SEMA6D: variants seen among roughly 807,000 people sequenced by gnomAD.
The protein encoded by SEMA6D is semaphorin 6D, also known as semaphorin-6D.
In SEMA6D, 35 loss-of-function variants were observed where a neutral mutation model predicts 106.6. That is an observed-to-expected ratio of 0.33 (90% CI 0.25 to 0.44). The LOEUF (loss-of-function observed/expected upper bound fraction) is 0.44. SEMA6D is among the 20% of genes least tolerant of loss of function. The probability of loss-of-function intolerance (pLI) is 1.00; values close to 1 mark genes in which losing one functional copy is unlikely to be tolerated. For synonymous variants in SEMA6D, 499 were observed against 487.7 expected, an observed-to-expected ratio of 1.02 and a Z score of -0.31; for missense variants, 1,185 against 1,345.9, an observed-to-expected ratio of 0.88 and a Z score of 1.87.
chr15:47,738,770 C>G (rs1023090551), intron 1 of SEMA6D, among the ~76,000 whole-genome samples: 4 of 152,124 alleles, frequency 2.6e-5, no homozygotes, highest in Admixed American at 1.3e-4. Flanking sequence ...TTTGTTTGGC[C>G]CCTGAATCTA....
intron 1 of SEMA6D, among the ~76,000 whole-genome samples, chr15:47,722,760 G>A (rs528761721): frequency 4.7e-4 from 71 of 152,248 alleles, no homozygotes; most frequent in African/African-American, 1.6e-3. Context: ...TGATGGAGGC[G>A]GAGGAAGAAG....
At position 47,562,285 on chromosome 15, in the gene SEMA6D, A is replaced by G. The variant is rs537687114; in HGVS notation, c.-86-38580A>G. Among the ~76,000 whole-genome samples, 8 of 152,168 alleles carry G rather than the reference A, an allele frequency of 5.3e-5. No individual in the cohort carries two copies. The South Asian group carries it at 1.4e-3, about 28-fold the overall frequency. On this transcript the variant is annotated intron_variant, in intron 3 of 19. Coordinates refer to the SEMA6D transcript ENST00000558014. ...TAAATTGTAGATCCTTACATTCACT[A>G]TGCTAAAAACTTATTTCAAATGCAT... is the stretch of plus-strand genomic sequence containing the variant.
chr15:47,465,170 A>T (rs922460930), intron 2 of SEMA6D, among the ~76,000 whole-genome samples: 9 of 152,198 alleles, frequency 5.9e-5, no homozygotes, highest in African/African-American at 1.9e-4. Context: ...AGTGCTTTGA[A>T]CACAGCAGGT....
At chr15:47,317,710 G>T (rs1408770659) in intron 1 of SEMA6D, among the ~76,000 whole-genome samples, 1 of 152,156 alleles carries the variant, frequency 6.6e-6, no homozygotes, top group East Asian at 1.9e-4. Flanking sequence ...TGGTTTCTGA[G>T]AAGTCAGATA....
At chr15:47,646,452 TAAG>T (rs1392088272) in intron 4 of SEMA6D, among the ~76,000 whole-genome samples, 1 of 152,152 alleles carries the variant, frequency 6.6e-6, no homozygotes, top group African/African-American at 2.4e-5. Context: ...AAAAGACACT[TAAG>T]AAGAAGGAAA....
rs569124771 is a variant in SEMA6D, at chr15:47,565,825, A to G, written c.-86-35040A>G. Among the ~76,000 whole-genome samples, 7 of 152,332 alleles carry G rather than the reference A, an allele frequency of 4.6e-5. No homozygotes were observed. The East Asian group carries it at 7.7e-4, about 17-fold the overall frequency. ...TTCAGTGCAAAGCGGGAAGTCAGCA[A>G]AATTTTTCTTCTTCATCACTGCATG... is the stretch of plus-strand genomic sequence containing the variant. On this transcript the variant is annotated intron_variant, in intron 3 of 19. Transcript: ENST00000558014.
chr15:47,597,613 C>T (rs2076563042), intron 3 of SEMA6D, among the ~76,000 whole-genome samples: 1 of 151,704 alleles, frequency 6.6e-6, no homozygotes, highest in Non-Finnish European at 1.5e-5. Context: ...ATAGACCAGG[C>T]ACATAAGAAG....
chr15:47,302,718 G>A (rs374241546), intron 1 of SEMA6D, among the ~76,000 whole-genome samples: 6 of 152,200 alleles, frequency 3.9e-5, no homozygotes, highest in African/African-American at 1.4e-4. Context: ...TGAAGATGAA[G>A]GAAGAAGGCA....
intron 1 of SEMA6D, among the ~76,000 whole-genome samples, chr15:47,277,601 T>TTATTA (rs1566968171): frequency 2.0e-4 from 1 of 4,966 alleles, no homozygotes; most frequent in Non-Finnish European, 3.8e-3. Context: ...ATTATTATTA[T>TTATTA]TATTATTATT....
intron 1 of SEMA6D, among the ~76,000 whole-genome samples, chr15:47,410,300 G>T (rs2040746289): frequency 6.6e-6 from 1 of 152,096 alleles, no homozygotes; most frequent in Non-Finnish European, 1.5e-5. Flanking sequence ...TTTTATATGT[G>T]ATGGGAAGTG....
intron 1 of SEMA6D, among the ~76,000 whole-genome samples, chr15:47,726,324 G>A (rs2079750043): frequency 6.6e-6 from 1 of 152,250 alleles, no homozygotes; most frequent in Non-Finnish European, 1.5e-5. Context: ...CATATATTGA[G>A]TGCTTACTAT....
chr15:47,246,255 G>A (rs1440692297), intron 1 of SEMA6D, among the ~76,000 whole-genome samples: 3 of 152,160 alleles, frequency 2.0e-5, no homozygotes, highest in Admixed American at 2.0e-4. Flanking sequence ...GGAGCCATGG[G>A]TGTCTCTGAG....
chr15:47,399,930 A>C (rs569078841), intron 1 of SEMA6D, among the ~76,000 whole-genome samples: 27 of 152,330 alleles, frequency 1.8e-4, no homozygotes, highest in South Asian at 4.1e-4. Flanking sequence ...ACAGGAACAC[A>C]CTGCAAAGTG....
intron 4 of SEMA6D, among the ~76,000 whole-genome samples, chr15:47,627,135 A>G (rs1421545868): frequency 6.6e-6 from 1 of 152,150 alleles, no homozygotes; most frequent in African/African-American, 2.4e-5. Context: ...CTGACTTGCT[A>G]AGCATTTACT....
At chr15:47,343,881 C>T (rs1032737376) in intron 1 of SEMA6D, among the ~76,000 whole-genome samples, 8 of 151,940 alleles carry the variant, frequency 5.3e-5, no homozygotes, top group African/African-American at 1.9e-4. Context: ...TGAACTCAAA[C>T]AAATTTACAA....
intron 3 of SEMA6D, among the ~76,000 whole-genome samples, chr15:47,586,103 A>G (rs1263863755): frequency 6.6e-6 from 1 of 152,234 alleles, no homozygotes; most frequent in African/African-American, 2.4e-5. Flanking sequence ...TCTTTCTACA[A>G]TTAAATAATA....
At chr15:47,456,699 T>C (rs988918887) in intron 2 of SEMA6D, among the ~76,000 whole-genome samples, 3 of 151,954 alleles carry the variant, frequency 2.0e-5, no homozygotes, top group African/African-American at 7.2e-5. Flanking sequence ...TAGTAATATC[T>C]GATAGAAGGG....
At position 47,414,688 on chromosome 15, in the gene SEMA6D, A is replaced by G. The variant is rs190272149; in HGVS notation, c.-159+2216A>G. Reference sequence around the variant, plus strand: ...AAGATTTTCTTAGAACTAGCCTTGGAGCCTCTTGTCTCTGTAGAGAACTAA... The same window carrying G: ...AAGATTTTCTTAGAACTAGCCTTGGGGCCTCTTGTCTCTGTAGAGAACTAA... On this transcript the variant is annotated intron_variant, in intron 2 of 19. Transcript: ENST00000558014. 7.2e-5 allele frequency among the ~76,000 whole-genome samples: 11 copies of G among 152,328 alleles called. No individual in the cohort carries two copies. In the East Asian group the frequency reaches 2.1e-3, roughly 29 times the overall value.
In SEMA6D at chr15:47,771,941, C is replaced by G. The variant is rs925201516; in HGVS notation, c.*156C>G. ...TAACTTTGGCAACATCAGAACTTGC[C>G]ACATGTAGCTACTGCAGCAAGGCTT... On this transcript the variant is annotated 3_prime_UTR_variant, in exon 19 of 19. Coordinates refer to ENST00000536845, the MANE Select transcript of SEMA6D (RefSeq NM_001358351.3). The G allele has an allele frequency of 4.5e-5, 32 of 716,104 alleles. No individual in the cohort carries two copies. Among genetic ancestry groups the G allele is most frequent in the Non-Finnish European group, 6.9e-5 (30 of 433,952 alleles). 44.4% of individuals were successfully genotyped at this position (716,104 alleles called of 1,614,324 possible).
Sources: gnomAD v4.1 joint callset for allele counts (sites outside exome capture counted in the v4.1 genomes callset) on GRCh38, gnomAD v4.1.1 for gene constraint, MANE v1.5 for transcripts, NCBI Gene and HGNC (gene_info 2026-07-23, HGNC 2026-07-21) for gene names.